Variants in ZNF81 observed in about 807,000 individuals in gnomAD.
ZNF81 encodes zinc finger protein 81, also known as zinc finger protein 81 (HFZ20).
A neutral mutation model predicts 32.3 loss-of-function variants in ZNF81; 5 were observed. The ratio of observed to expected loss-of-function variants is 0.15; its 90% CI spans 0.08 to 0.33. The LOEUF (loss-of-function observed/expected upper bound fraction) is 0.33, where lower values mean the gene tolerates loss of function less well. ZNF81 is among the 10% of genes least tolerant of loss of function. The probability of loss-of-function intolerance (pLI) is 1.00; values close to 1 mark genes in which losing one functional copy is unlikely to be tolerated. For synonymous variants in ZNF81, 163 were observed against 166.8 expected (o/e 0.98, Z 0.17); for missense variants, 379 against 479.8 (o/e 0.79, Z 1.96).
At position 47,915,900 on chromosome X, in the gene ZNF81, G is replaced by C. The variant is rs782333599; in HGVS notation, c.1254G>C (p.Glu418Asp). ...GAGAGAGACATCACAAATGCAGTGA[G>C]TGTGGGAAAGCCTTTACCCAAAAAT... ...HTGERHHKCS[E>D]CGKAFTQKST... Residue 418 changes from glutamate to aspartate, a missense_variant, in exon 5 of 5, where the codon GAG becomes GAC. By Grantham distance (45) the Glu-to-Asp change is conservative. Coordinates refer to ENST00000338637, the MANE Select transcript of ZNF81 (RefSeq NM_007137.5). 19 of 1,209,882 alleles carry C rather than the reference G, an allele frequency of 1.6e-5. No individual in the cohort carries two copies. In the Admixed American group the frequency reaches 4.1e-4, roughly 26 times the overall value.
chrX:47,894,086 C>T lies in ZNF81; in HGVS notation c.182-1759C>T, dbSNP rs1453461496. Reference sequence around the variant, plus strand: ...TATTACAATAGGGGAAAAGATACTTCGGTATAGAACTGGGCTCAATTCCAA... The same window carrying T: ...TATTACAATAGGGGAAAAGATACTTTGGTATAGAACTGGGCTCAATTCCAA... On this transcript the variant is annotated intron_variant, in intron 3 of 4. Coordinates refer to ENST00000338637, the MANE Select transcript of ZNF81 (RefSeq NM_007137.5). Among the ~76,000 whole-genome samples, 3 of 111,677 alleles carry T rather than the reference C, an allele frequency of 2.7e-5. 1 individual carries two copies. Among genetic ancestry groups the T allele is most frequent in the South Asian group, 7.5e-4 (2 of 2,671 alleles).
rs2148046787 is a variant in ZNF81, at chrX:47,917,261, C to G, written c.*629C>G. On this transcript the variant is annotated 3_prime_UTR_variant, in exon 5 of 5. Coordinates refer to ENST00000338637, the MANE Select transcript of ZNF81 (RefSeq NM_007137.5). ...AAAAGTCACTTTGGTTTTATATATACACACATCTGCAGATATAATTTTATA... is the reference window on the plus strand; with the variant it reads ...AAAAGTCACTTTGGTTTTATATATAGACACATCTGCAGATATAATTTTATA... 3.4e-6 allele frequency: 1 copy of G among 295,453 alleles called. No homozygotes were observed. Among genetic ancestry groups the G allele is most frequent in the African/African-American group, 2.7e-5 (1 of 36,478 alleles). 24.3% of individuals were successfully genotyped at this position (295,453 alleles called of 1,213,427 possible).
chrX:47,850,347 T>TA (rs146962959), intron 2 of ZNF81, among the ~76,000 whole-genome samples: 156 of 83,108 alleles, frequency 1.9e-3, no homozygotes, highest in South Asian at 4.2e-3. Context: ...ACCCATCTCT[T>TA]AAAAAAAAAA....
intron 2 of ZNF81, among the ~76,000 whole-genome samples, chrX:47,851,829 A>G (rs1383353179): frequency 8.9e-6 from 1 of 112,223 alleles, no homozygotes; most frequent in Non-Finnish European, 1.9e-5. Flanking sequence ...TTTTACTTTT[A>G]CTGCTGCAAC....
intron 2 of ZNF81, among the ~76,000 whole-genome samples, chrX:47,882,245 T>C (rs1248146616): frequency 1.8e-5 from 2 of 110,935 alleles, no homozygotes; most frequent in Non-Finnish European, 1.9e-5. Context: ...TCCATGCAAA[T>C]TAAAATATAG....
intron 4 of ZNF81, among the ~76,000 whole-genome samples, 158 bp from the exon 5 acceptor site, chrX:47,914,766 T>C (rs186939268): frequency 6.1e-4 from 68 of 111,892 alleles, no homozygotes; most frequent in African/African-American, 2.1e-3. Flanking sequence ...CGTGTAAGAG[T>C]TTGGCACATA....
At chrX:47,880,860 T>G (rs2058618236) in intron 2 of ZNF81, among the ~76,000 whole-genome samples, 1 of 111,919 alleles carries the variant, frequency 8.9e-6, no homozygotes, top group African/African-American at 3.3e-5. Flanking sequence ...CTTACAGTTA[T>G]GGAGGCTGAG....
intron 1 of ZNF81, among the ~76,000 whole-genome samples, chrX:47,839,020 A>G: frequency 9.0e-6 from 1 of 111,512 alleles, no homozygotes; most frequent in East Asian, 2.8e-4. Context: ...CCTGGGCTCA[A>G]ATAGTCCTCC....
At chrX:47,899,387 G>A (rs928653120) in intron 4 of ZNF81, among the ~76,000 whole-genome samples, 4 of 109,752 alleles carry the variant, frequency 3.6e-5, no homozygotes, top group Middle Eastern at 4.7e-3. Context: ...TTTTTGTTCT[G>A]TTATTATGGT....
intron 2 of ZNF81, among the ~76,000 whole-genome samples, chrX:47,866,303 C>A (rs782795604): frequency 9.0e-6 from 1 of 111,609 alleles, no homozygotes; most frequent in Non-Finnish European, 1.9e-5. Context: ...AAATAAAATT[C>A]CTGGCAACCC....
chrX:47,888,287 G>A (rs2058650192), intron 3 of ZNF81, 162 bp downstream of exon 3: 1 of 746,422 alleles, frequency 1.3e-6, no homozygotes, highest in Admixed American at 3.1e-5. Context: ...GAGATCATTA[G>A]GGTGGGCTTT....
chrX:47,863,117 G>A (rs1277135436), intron 2 of ZNF81, among the ~76,000 whole-genome samples: 2 of 111,471 alleles, frequency 1.8e-5, no homozygotes, highest in African/African-American at 6.5e-5. Flanking sequence ...GTGGGGGAGA[G>A]GGGTCTTTTG....
At chrX:47,885,384 C>A (rs2058637468) in intron 2 of ZNF81, among the ~76,000 whole-genome samples, 1 of 111,999 alleles carries the variant, frequency 8.9e-6, no homozygotes, top group Non-Finnish European at 1.9e-5. Flanking sequence ...TTTAAAAATA[C>A]CTTTTCTGCC....
At chrX:47,868,979 G>T (rs2058570483) in intron 2 of ZNF81, among the ~76,000 whole-genome samples, 1 of 109,801 alleles carries the variant, frequency 9.1e-6, no homozygotes, top group South Asian at 4.0e-4. Context: ...TGAGGAGTCT[G>T]TTGAAAGGAT....
chrX:47,885,423 T>A (rs1556885632), intron 2 of ZNF81, among the ~76,000 whole-genome samples: 1 of 112,345 alleles, frequency 8.9e-6, no homozygotes, highest in African/African-American at 3.2e-5. Flanking sequence ...TTAAATTGCA[T>A]GTATGTTAGA....
intron 2 of ZNF81, among the ~76,000 whole-genome samples, chrX:47,880,946 C>T (rs2058618533): frequency 9.0e-6 from 1 of 111,728 alleles, no homozygotes; most frequent in South Asian, 3.7e-4. Flanking sequence ...TGAGGTGGTG[C>T]AGGGTATCAC....
At chrX:47,887,968 T>C in intron 2 of ZNF81, 31 bp from the exon 3 acceptor site, 2 of 1,211,632 alleles carry the variant, frequency 1.7e-6, no homozygotes, top group Non-Finnish European at 2.2e-6. Context: ...GTGCTGATCA[T>C]GTTGCCTTGA....
chrX:47,885,392 G>T (rs1227449018), intron 2 of ZNF81, among the ~76,000 whole-genome samples: 1 of 111,929 alleles, frequency 8.9e-6, no homozygotes, highest in Non-Finnish European at 1.9e-5. Flanking sequence ...TACCTTTTCT[G>T]CCCTTCTCTC....
chrX:47,881,266 C>A (rs1221987399), intron 2 of ZNF81, among the ~76,000 whole-genome samples: 2 of 112,003 alleles, frequency 1.8e-5, no homozygotes, highest in Admixed American at 1.9e-4. Flanking sequence ...GCACAAAGCC[C>A]TCTTCAGCAT....
Sources: allele counts gnomAD v4.1 joint callset (sites outside exome capture counted in the v4.1 genomes callset), GRCh38; gene constraint gnomAD v4.1.1; transcripts MANE v1.5; gene names NCBI Gene and HGNC (gene_info 2026-07-23, HGNC 2026-07-21).